The following TNN variants were observed in gnomAD, a reference collection of about 807,000 sequenced individuals.
TNN encodes tenascin-N.
A neutral mutation model predicts 134.4 loss-of-function variants in TNN; 122 were observed. The ratio of observed to expected loss-of-function variants is 0.91; its 90% CI spans 0.78 to 1.06. The LOEUF (loss-of-function observed/expected upper bound fraction) is 1.06. TNN is among the 50% of genes least tolerant of loss of function. The probability of loss-of-function intolerance (pLI) is 0.00; values close to 1 mark genes in which losing one functional copy is unlikely to be tolerated. For missense variants in TNN, 1,739 were observed against 1,699.4 expected, an observed-to-expected ratio of 1.02 and a Z score of -0.41; for synonymous variants, 710 against 670.3, an observed-to-expected ratio of 1.06 and a Z score of -0.91.
In TNN at chr1:175,079,520, C is replaced by T. The variant is rs866216926; in HGVS notation, c.597C>T (p.Tyr199=). 2 of 1,562,618 alleles carry T rather than the reference C, an allele frequency of 1.3e-6. No homozygotes were observed. The highest frequency in any genetic ancestry group is 8.7e-7 in the Non-Finnish European group (1 of 1,154,784). The change falls in exon 3 of 19, where the codon TAC becomes TAT. Residue 199 remains tyrosine, a synonymous_variant. Transcript: ENST00000239462. ...HEPYVGADCG[Y]PACPENCSGH... is the part of the protein sequence containing the mutation. Reference sequence around the variant, plus strand: ...CCTACGTGGGTGCCGACTGCGGCTACCCGGCCTGCCCTGAGAACTGCAGCG... The same window carrying T: ...CCTACGTGGGTGCCGACTGCGGCTATCCGGCCTGCCCTGAGAACTGCAGCG...
chr1:175,098,507 C>A lies in TNN; in HGVS notation c.2031C>A (p.Gly677=), dbSNP rs770157417. 2 of 1,614,000 alleles carry A rather than the reference C, an allele frequency of 1.2e-6. No individual in the cohort carries two copies. Among genetic ancestry groups the A allele is most frequent in the Non-Finnish European group, 1.7e-6 (2 of 1,180,044 alleles). ...AGCAGAGCAGCACAGTCCTGACAGG[C>A]CTGAGACCGGGTATGGAGTACATGG... ...GKEQSSTVLT[G]LRPGMEYMVH... Residue 677 remains glycine (G), a synonymous_variant, in exon 9 of 19, where the codon GGC becomes GGA. Coordinates refer to ENST00000239462, the MANE Select transcript of TNN (RefSeq NM_022093.2).
At chr1:175,137,054 G>A (rs914638387) in intron 17 of TNN, 66 bp downstream of exon 17, 22 of 1,516,244 alleles carry the variant, frequency 1.5e-5, no homozygotes, top group South Asian at 2.4e-5. Context: ...TTGGTTTGCC[G>A]TGTGCCACTG....
intron 17 of TNN, among the ~76,000 whole-genome samples, chr1:175,143,657 G>T (rs1267728206): frequency 1.3e-5 from 2 of 152,186 alleles, no homozygotes; most frequent in African/African-American, 2.4e-5. Context: ...CTCCTGGAAG[G>T]TGGGCTGGTC....
At position 175,087,733 on chromosome 1, in the gene TNN, T is replaced by A. The variant is rs114782335; in HGVS notation, c.1324+2239T>A. 2.6e-3 allele frequency among the ~76,000 whole-genome samples: 397 copies of A among 152,280 alleles called. 3 individuals are homozygous for A. The highest frequency in any genetic ancestry group is 9.2e-3 in the African/African-American group (382 of 41,560). On this transcript the variant is annotated intron_variant, in intron 6 of 18. Coordinates refer to ENST00000239462, the MANE Select transcript of TNN (RefSeq NM_022093.2). ...TTGTCTCCCTGGAAATAGCCTCAGA[T>A]CCCACAAGTTAAAGGCCCAGTCCCA...
At chr1:175,087,487 CA>C (rs1674344803) in intron 6 of TNN, among the ~76,000 whole-genome samples, 1 of 152,180 alleles carries the variant, frequency 6.6e-6, no homozygotes, top group African/African-American at 2.4e-5. Context: ...TTCCTTTTGG[CA>C]GAGTGAATTG....
At chr1:175,090,413 A>G (rs534764010) in intron 6 of TNN, among the ~76,000 whole-genome samples, 4 of 151,082 alleles carry the variant, frequency 2.6e-5, no homozygotes, top group Non-Finnish European at 5.9e-5. Flanking sequence ...CACCTCTTCC[A>G]GGAACCCACC....
intron 9 of TNN, among the ~76,000 whole-genome samples, chr1:175,101,105 C>T (rs912647044): frequency 5.9e-5 from 9 of 152,202 alleles, no homozygotes; most frequent in African/African-American, 2.2e-4. Flanking sequence ...TTCTTGGTCT[C>T]ACTGACTTCA....
At chr1:175,131,700 A>C (rs1675677218) in intron 15 of TNN, among the ~76,000 whole-genome samples, 1 of 152,172 alleles carries the variant, frequency 6.6e-6, no homozygotes, top group Non-Finnish European at 1.5e-5. Flanking sequence ...TAACTACTTT[A>C]TGATTTACTA....
At chr1:175,118,088 A>T (rs1358944452) in intron 10 of TNN, among the ~76,000 whole-genome samples, 3 of 152,196 alleles carry the variant, frequency 2.0e-5, no homozygotes, top group Non-Finnish European at 4.4e-5. Context: ...GGAGAATAGG[A>T]TGCTGCCCTC....
Position 175,128,129 on chromosome 1 carries a change from G to A in TNN, c.3143G>A (p.Arg1048His), listed in dbSNP as rs111226925. 445 of 1,611,722 alleles carry A rather than the reference G, an allele frequency of 2.8e-4. 2 individuals are homozygous for A. The African/African-American group carries it at 5.0e-3, about 18-fold the overall frequency. The change falls in exon 14 of 19, where the codon CGC becomes CAC. Residue 1048 changes from arginine (R) to histidine (H), a missense_variant. Physicochemically the swap from Arg to His is conservative, Grantham distance 29 (BLOSUM62 0). Transcript: ENST00000239462. ...TCCCTTGTTGCCTTTAAGGGTGGTCGCCGGAGCAGAAATGTATCCACCACC... is the reference window on the plus strand; with the variant it reads ...TCCCTTGTTGCCTTTAAGGGTGGTCACCGGAGCAGAAATGTATCCACCACC... The part of the protein sequence containing the change: ...PVSLVAFKGG[R>H]RSRNVSTTLS...
intron 1 of TNN, among the ~76,000 whole-genome samples, chr1:175,072,910 T>C (rs6695255): frequency 0.28 from 39,190 of 139,844 alleles, 7,140 homozygotes; most frequent in African/African-American, 0.52. Flanking sequence ...CTGTGGTTGA[T>C]GGCAAGAGTC....
At chr1:175,093,314 T>A (rs1185979795) in intron 6 of TNN, among the ~76,000 whole-genome samples, 1 of 152,230 alleles carries the variant, frequency 6.6e-6, no homozygotes. Flanking sequence ...CAGGATATGT[T>A]CTTGGGAAGC....
At chr1:175,144,682 C>T in intron 18 of TNN, 132 bp downstream of exon 18, 1 of 1,002,796 alleles carries the variant, frequency 1.0e-6, no homozygotes, top group Non-Finnish European at 1.4e-6. Flanking sequence ...AGCTTCTCCT[C>T]CAGGCTCCAT....
At position 175,123,675 on chromosome 1, in the gene TNN, G is replaced by T. The variant is rs779476216; in HGVS notation, c.2914+12G>T. 6.2e-7 allele frequency: 1 copy of T among 1,613,848 alleles called. No homozygotes were observed. Among genetic ancestry groups the T allele is most frequent in the African/African-American group, 1.3e-5 (1 of 75,054 alleles). ...CAAGGCCCAGACAGGTACTGAGAGGGACCAGGCCAGGGGAACACCTCACAC... is the reference window on the plus strand; with the variant it reads ...CAAGGCCCAGACAGGTACTGAGAGGTACCAGGCCAGGGGAACACCTCACAC... On this transcript the variant is annotated intron_variant, in intron 12 of 18. Coordinates refer to ENST00000239462, the MANE Select transcript of TNN (RefSeq NM_022093.2).
chr1:175,105,447 A>G (rs1292283903), intron 9 of TNN, among the ~76,000 whole-genome samples: 9 of 145,032 alleles, frequency 6.2e-5, no homozygotes, highest in African/African-American at 2.2e-4. Flanking sequence ...ATAGGAAGGG[A>G]AGCTATAGGG....
At chr1:175,089,702 A>G (rs1674397634) in intron 6 of TNN, among the ~76,000 whole-genome samples, 1 of 152,230 alleles carries the variant, frequency 6.6e-6, no homozygotes, top group Non-Finnish European at 1.5e-5. Context: ...TATAAAACAA[A>G]GCATGCTTGC....
intron 7 of TNN, among the ~76,000 whole-genome samples, chr1:175,094,880 CA>C (rs1674536256): frequency 6.6e-6 from 1 of 152,112 alleles, no homozygotes; most frequent in South Asian, 2.1e-4. Flanking sequence ...CATGAGGTTC[CA>C]AAACACCTGG....
chr1:175,136,896 A>G lies in TNN; in HGVS notation c.3503A>G (p.Asn1168Ser), dbSNP rs747485174. ...GTGAGAGTGGATTTACAGACTGCCA[A>G]TGAATCTGCCTATGCTATATATGAT... The part of the protein sequence containing the change: ...YEVRVDLQTA[N>S]ESAYAIYDFF... Residue 1168 changes from asparagine to serine, a missense_variant, in exon 17 of 19, where the codon AAT (asparagine) becomes AGT (serine). Transcript: ENST00000239462. 26 of 1,614,096 alleles carry G rather than the reference A, an allele frequency of 1.6e-5. No individual in the cohort carries two copies. The highest frequency in any genetic ancestry group is 1.5e-4 in the African/African-American group (11 of 74,934).
At chr1:175,092,327 T>C (rs1674471497) in intron 6 of TNN, among the ~76,000 whole-genome samples, 1 of 152,146 alleles carries the variant, frequency 6.6e-6, no homozygotes, top group East Asian at 1.9e-4. Context: ...GCCCTGGCCA[T>C]GGGGTCAGAC....
Sources: gnomAD v4.1 joint callset for allele counts (sites outside exome capture counted in the v4.1 genomes callset) on GRCh38, gnomAD v4.1.1 for gene constraint, MANE v1.5 for transcripts, NCBI Gene and HGNC (gene_info 2026-07-23, HGNC 2026-07-21) for gene names.